The following ST3GAL3 variants were observed in gnomAD, a reference collection of about 807,000 sequenced individuals.
ST3GAL3 encodes the protein CMP-N-acetylneuraminate-beta-1,4-galactoside alpha-2,3-sialyltransferase.
In ST3GAL3, 21 loss-of-function variants were observed where a neutral mutation model predicts 50.1. The observed-to-expected ratio is 0.42, with a 90% CI of 0.30 to 0.60. ST3GAL3 has a LOEUF of 0.60. Among genes scored for constraint, ST3GAL3 ranks in the 20% least tolerant of loss-of-function variants. The pLI is 0.19. For synonymous variants in ST3GAL3, 183 were observed against 190.0 expected, an observed-to-expected ratio of 0.96 and a Z score of 0.30; for missense variants, 353 against 489.4, an observed-to-expected ratio of 0.72 and a Z score of 2.63.
At chr1:43,793,525 A>G (rs920117564) in intron 3 of ST3GAL3, among the ~76,000 whole-genome samples, 2 of 152,208 alleles carry the variant, frequency 1.3e-5, no homozygotes, top group Non-Finnish European at 2.9e-5. Context: ...GCTCAAAGAC[A>G]TGAAGTAACC....
chr1:43,894,365 A>G lies in ST3GAL3; in HGVS notation c.303-18A>G. On this transcript the variant is annotated intron_variant, in intron 5 of 11. Transcript: ENST00000347631. ...CTGTTGCGTTTTTGTGATCCTCAGC[A>G]GTCCTGTTATATTCCAGGTTCTCCA... The G allele has an allele frequency of 6.2e-7, 1 of 1,612,788 alleles. No homozygotes were observed. The highest frequency in any genetic ancestry group is 1.7e-5 in the Admixed American group (1 of 60,024).
intron 1 of ST3GAL3, chr1:43,708,183 C>G (rs183851907): frequency 6.6e-6 from 1 of 152,378 alleles, no homozygotes; most frequent in Admixed American, 6.5e-5. Flanking sequence ...CCTTCTGGCA[C>G]TTTCCCCCGT....
Position 43,760,755 on chromosome 1 carries a change from C to CA in ST3GAL3, c.118+24387dup, listed in dbSNP as rs543172085. Among the ~76,000 whole-genome samples, 177 of 131,704 alleles carry CA rather than the reference C, an allele frequency of 1.3e-3. 1 individual carries two copies. Among genetic ancestry groups the CA allele is most frequent in the African/African-American group, 2.7e-3 (97 of 35,678 alleles). 86.4% of individuals were successfully genotyped at this position (131,704 alleles called of 152,430 possible). On this transcript the variant is annotated intron_variant, in intron 2 of 11. Coordinates refer to ENST00000347631, the MANE Select transcript of ST3GAL3 (RefSeq NM_006279.5). ...TGGGTGACACAGCAAGGCTCCGTCT[C>CA]AAAAAAAAAAAATGTTGATAGCACT... is the stretch of plus-strand genomic sequence containing the variant.
chr1:43,896,913 A>G (rs2077466379), intron 6 of ST3GAL3: 1 of 152,136 alleles, frequency 6.6e-6, no homozygotes, highest in Non-Finnish European at 1.5e-5. Context: ...ACATGTCTTT[A>G]GACTTTACAA....
chr1:43,750,717 C>T (rs1356746276), intron 2 of ST3GAL3, among the ~76,000 whole-genome samples: 1 of 151,710 alleles, frequency 6.6e-6, no homozygotes, highest in Non-Finnish European at 1.5e-5. Flanking sequence ...TTGGAAGACC[C>T]TGTCTCTACA....
intron 1 of ST3GAL3, among the ~76,000 whole-genome samples, chr1:43,720,868 A>G (rs1670076422): frequency 6.6e-6 from 1 of 152,184 alleles, no homozygotes; most frequent in South Asian, 2.1e-4. Context: ...AGTAGAAACA[A>G]CCCAGATGTC....
chr1:43,887,095 CCTG>C (rs2076094160), intron 5 of ST3GAL3, among the ~76,000 whole-genome samples: 1 of 152,058 alleles, frequency 6.6e-6, no homozygotes, highest in Non-Finnish European at 1.5e-5. Context: ...AGAAAAGATA[CCTG>C]CTTAAAGAGA....
At chr1:43,801,349 A>G (rs1418132195) in intron 3 of ST3GAL3, 1 of 456,322 alleles carries the variant, frequency 2.2e-6, no homozygotes, top group Non-Finnish European at 4.4e-6. Flanking sequence ...GGTCACTCAC[A>G]ACGGAAATGC....
intron 4 of ST3GAL3, among the ~76,000 whole-genome samples, chr1:43,830,838 G>A (rs1292549745): frequency 6.6e-6 from 1 of 152,164 alleles, no homozygotes; most frequent in African/African-American, 2.4e-5. Context: ...AGTTGAATGA[G>A]AGAGAAGAAT....
chr1:43,776,538 T>C (rs1000866721), intron 2 of ST3GAL3, among the ~76,000 whole-genome samples: 2 of 152,190 alleles, frequency 1.3e-5, no homozygotes, highest in African/African-American at 4.8e-5. Context: ...ATACTGAACA[T>C]TTGTGTACAA....
Position 43,758,271 on chromosome 1 carries a change from GA to G in ST3GAL3, c.118+21892del, listed in dbSNP as rs542609107. On this transcript the variant is annotated intron_variant, in intron 2 of 11. Transcript: ENST00000347631. Reference sequence around the variant, plus strand: ...AGTAATTTAAAAACAATTTTTTTAAGACATGGTCTTGTTCTGCCACCCAGGC... The same window carrying G: ...AGTAATTTAAAAACAATTTTTTTAAGCATGGTCTTGTTCTGCCACCCAGGC... Among the ~76,000 whole-genome samples the G allele has an allele frequency of 7.1e-4, 106 of 150,334 alleles. 2 individuals are homozygous for G. The South Asian group carries it at 8.0e-3, about 11-fold the overall frequency.
chr1:43,778,682 G>C (rs1572686513), intron 2 of ST3GAL3, among the ~76,000 whole-genome samples: 1 of 110,842 alleles, frequency 9.0e-6, no homozygotes, highest in Non-Finnish European at 1.7e-5. Flanking sequence ...GTCTCGCTCT[G>C]TCGCCCAGGC....
chr1:43,887,375 G>C (rs1212788530), intron 5 of ST3GAL3, among the ~76,000 whole-genome samples: 2 of 152,216 alleles, frequency 1.3e-5, no homozygotes, highest in Non-Finnish European at 1.5e-5. Context: ...TGAGGAGATG[G>C]ATGGGATCTA....
At chr1:43,795,153 G>A (rs917572217) in intron 3 of ST3GAL3, among the ~76,000 whole-genome samples, 1 of 152,154 alleles carries the variant, frequency 6.6e-6, no homozygotes, top group Non-Finnish European at 1.5e-5. Flanking sequence ...AATGTTCAAG[G>A]GGATTTTGGT....
intron 3 of ST3GAL3, among the ~76,000 whole-genome samples, chr1:43,797,371 G>C (rs1411274658): frequency 6.6e-6 from 1 of 152,092 alleles, no homozygotes; most frequent in African/African-American, 2.4e-5. Flanking sequence ...CACAATACTA[G>C]AAGATTTATC....
intron 1 of ST3GAL3, among the ~76,000 whole-genome samples, chr1:43,731,118 A>C (rs2154084017): frequency 6.6e-6 from 1 of 151,774 alleles, no homozygotes; most frequent in South Asian, 2.1e-4. Flanking sequence ...CTGCAACCTC[A>C]ACCTCCTGGG....
At chr1:43,848,166 G>A (rs1287792441) in intron 5 of ST3GAL3, among the ~76,000 whole-genome samples, 1 of 151,786 alleles carries the variant, frequency 6.6e-6, no homozygotes, top group East Asian at 1.9e-4. Flanking sequence ...CTGACAAAAC[G>A]TCTTCTGTCA....
chr1:43,854,462 A>G (rs756347735), intron 5 of ST3GAL3, among the ~76,000 whole-genome samples: 3 of 151,788 alleles, frequency 2.0e-5, no homozygotes, highest in Non-Finnish European at 4.4e-5. Flanking sequence ...CAGTTCTCCT[A>G]CCTCTCTGTT....
chr1:43,869,967 G>A (rs944777083), intron 5 of ST3GAL3, among the ~76,000 whole-genome samples: 1 of 152,182 alleles, frequency 6.6e-6, no homozygotes, highest in Non-Finnish European at 1.5e-5. Flanking sequence ...AAGGGCAGTT[G>A]CCTTATGCTT....
Sources: allele counts gnomAD v4.1 joint callset (sites outside exome capture counted in the v4.1 genomes callset), GRCh38; gene constraint gnomAD v4.1.1; transcripts MANE v1.5; gene names NCBI Gene and HGNC (gene_info 2026-07-23, HGNC 2026-07-21).